The following SPIDR variants were observed in gnomAD, a reference collection of about 807,000 sequenced individuals.
The protein encoded by SPIDR is DNA repair-scaffolding protein.
SPIDR carries 93 observed loss-of-function variants against 104.6 expected under a neutral mutation model. That is an observed-to-expected ratio of 0.89 (90% CI 0.75 to 1.06). The LOEUF is 1.06. Among genes scored for constraint, SPIDR ranks in the 50% least tolerant of loss-of-function variants. The pLI is 0.00. For synonymous variants in SPIDR, 431 were observed against 416.9 expected (o/e 1.03, Z -0.41); for missense variants, 1,154 against 1,111.2 (o/e 1.04, Z -0.55).
intron 9 of SPIDR, among the ~76,000 whole-genome samples, chr8:47,597,887 C>G (rs1364776820): frequency 2.6e-5 from 4 of 152,172 alleles, no homozygotes; most frequent in Admixed American, 2.6e-4. Flanking sequence ...GCCTCAAGAT[C>G]TCTGGGTTAT....
chr8:47,454,405 C>G (rs1488476263), intron 8 of SPIDR, among the ~76,000 whole-genome samples: 2 of 151,890 alleles, frequency 1.3e-5, no homozygotes, highest in Admixed American at 1.3e-4. Context: ...CATGTTCTCA[C>G]TCTTAGGTGG....
intron 8 of SPIDR, among the ~76,000 whole-genome samples, chr8:47,516,474 C>T (rs2083174267): frequency 6.6e-6 from 1 of 152,176 alleles, no homozygotes. Context: ...ATTCTACTTT[C>T]TGCCTGTTTG....
chr8:47,448,333 G>A (rs2071069808), intron 8 of SPIDR, among the ~76,000 whole-genome samples: 1 of 152,148 alleles, frequency 6.6e-6, no homozygotes, highest in African/African-American at 2.4e-5. Context: ...GATGTTGTCA[G>A]CCTTGTTTAT....
At chr8:47,495,402 G>A (rs971139333) in intron 8 of SPIDR, among the ~76,000 whole-genome samples, 6 of 150,192 alleles carry the variant, frequency 4.0e-5, no homozygotes, top group East Asian at 3.9e-4. Context: ...AAAAAAAAAA[G>A]ATATAATTAA....
At chr8:47,732,060 G>A (rs1291686024) in intron 19 of SPIDR, 5 of 687,544 alleles carry the variant, frequency 7.3e-6, no homozygotes, top group Non-Finnish European at 1.3e-5. Context: ...GGCATCCCTG[G>A]TCACCATCCA....
At chr8:47,388,014 C>T (rs554165354) in intron 5 of SPIDR, among the ~76,000 whole-genome samples, 1 of 152,310 alleles carries the variant, frequency 6.6e-6, no homozygotes, top group Non-Finnish European at 1.5e-5. Flanking sequence ...CTAGACTCGT[C>T]TGTAGGTCAT....
intron 11 of SPIDR, among the ~76,000 whole-genome samples, chr8:47,674,502 G>A (rs2076175303): frequency 6.6e-6 from 1 of 151,406 alleles, no homozygotes; most frequent in Non-Finnish European, 1.5e-5. Context: ...ATGAATTAGG[G>A]GGAAAAAAAA....
chr8:47,320,126 A>G (rs1380876931), intron 5 of SPIDR, among the ~76,000 whole-genome samples: 4 of 152,174 alleles, frequency 2.6e-5, no homozygotes, highest in African/African-American at 4.8e-5. Context: ...ATAGAGACAT[A>G]AAAAACCCTT....
rs376481956 is a variant in SPIDR, at chr8:47,544,681, G to A, written c.1098-51130G>A. On this transcript the variant is annotated intron_variant, in intron 8 of 19. Coordinates refer to ENST00000297423, the MANE Select transcript of SPIDR (RefSeq NM_001080394.4). ...GATCTATTTCTGGGTGTTCTGTTCCGTTGATCGTTGTGTGTGTTTCTTTGT... is the reference window on the plus strand; with the variant it reads ...GATCTATTTCTGGGTGTTCTGTTCCATTGATCGTTGTGTGTGTTTCTTTGT... Among the ~76,000 whole-genome samples the A allele has an allele frequency of 4.6e-5, 7 of 152,114 alleles. No homozygotes were observed. The South Asian group carries it at 6.2e-4, about 14-fold the overall frequency.
At chr8:47,464,648 G>A (rs2074474298) in intron 8 of SPIDR, among the ~76,000 whole-genome samples, 1 of 151,932 alleles carries the variant, frequency 6.6e-6, no homozygotes, top group African/African-American at 2.4e-5. Context: ...GAACCCTTTT[G>A]TCTTGTCTAG....
chr8:47,395,706 G>A (rs1474162276), intron 5 of SPIDR, among the ~76,000 whole-genome samples: 3 of 151,934 alleles, frequency 2.0e-5, no homozygotes, highest in Admixed American at 1.3e-4. Context: ...ATGAATTCTT[G>A]TTTTATAATT....
chr8:47,417,197 G>T (rs532651859), intron 7 of SPIDR, among the ~76,000 whole-genome samples: 1 of 152,176 alleles, frequency 6.6e-6, no homozygotes, highest in Non-Finnish European at 1.5e-5. Flanking sequence ...CTGAGGAATC[G>T]CCACACTGAC....
At position 47,720,289 on chromosome 8, in the gene SPIDR, T is replaced by C. The variant is rs2083211837; in HGVS notation, c.2341+6648T>C. The stretch of plus-strand genomic sequence containing the variant: ...TTGGCAATTATTAATGAGGCTGCAA[T>C]AGACGTTTGTGAAGGTTTTTGTGTG... On this transcript the variant is annotated intron_variant, in intron 16 of 19. Transcript: ENST00000297423. Among the ~76,000 whole-genome samples the C allele has an allele frequency of 2.6e-5, 4 of 152,386 alleles. No individual in the cohort carries two copies. The South Asian group carries it at 6.2e-4, about 24-fold the overall frequency.
At chr8:47,290,604 C>T (rs2039731197) in intron 3 of SPIDR, among the ~76,000 whole-genome samples, 1 of 152,198 alleles carries the variant, frequency 6.6e-6, no homozygotes, top group African/African-American at 2.4e-5. Context: ...AAGCACCCTG[C>T]TACCAGAGCT....
chr8:47,721,188 C>G (rs1365123736), intron 16 of SPIDR, among the ~76,000 whole-genome samples: 1 of 152,194 alleles, frequency 6.6e-6, no homozygotes, highest in Non-Finnish European at 1.5e-5. Flanking sequence ...AACCCATGAT[C>G]ATCTAGATTT....
chr8:47,530,825 G>T (rs1001538504), intron 8 of SPIDR, among the ~76,000 whole-genome samples: 1 of 151,566 alleles, frequency 6.6e-6, no homozygotes, highest in African/African-American at 2.4e-5. Flanking sequence ...AGTAACACTT[G>T]GCTTATAACA....
chr8:47,639,958 G>A (rs567259601), intron 10 of SPIDR, among the ~76,000 whole-genome samples: 1 of 152,116 alleles, frequency 6.6e-6, no homozygotes, highest in South Asian at 2.1e-4. Context: ...TTTATTAATG[G>A]ATTTTAAGTG....
intron 8 of SPIDR, among the ~76,000 whole-genome samples, chr8:47,465,205 A>C (rs1564048360): frequency 6.6e-6 from 1 of 152,348 alleles, no homozygotes; most frequent in East Asian, 1.9e-4. Flanking sequence ...GACTTACGCA[A>C]GCTTCTGAGG....
At chr8:47,278,474 C>T (rs1257090133) in intron 1 of SPIDR, among the ~76,000 whole-genome samples, 2 of 152,148 alleles carry the variant, frequency 1.3e-5, no homozygotes, top group Admixed American at 6.5e-5. Flanking sequence ...CACATGCCAC[C>T]ATGCCTGGCT....
Sources: gnomAD v4.1 joint callset for allele counts (sites outside exome capture counted in the v4.1 genomes callset) on GRCh38, gnomAD v4.1.1 for gene constraint, MANE v1.5 for transcripts, NCBI Gene and HGNC (gene_info 2026-07-23, HGNC 2026-07-21) for gene names.